Variants in CBLN1 observed in about 807,000 individuals in gnomAD.
CBLN1 encodes the protein cerebellin 1 precursor.
CBLN1 carries 5 observed loss-of-function variants against 15.9 expected under a neutral mutation model. The observed-to-expected ratio is 0.31, with a 90% CI of 0.16 to 0.66. The LOEUF (loss-of-function observed/expected upper bound fraction) is 0.66. Among genes scored for constraint, CBLN1 ranks in the 30% least tolerant of loss-of-function variants. The pLI, the probability that CBLN1 is intolerant of heterozygous loss-of-function variation, is 0.75. For synonymous variants in CBLN1, 90 were observed against 107.6 expected, an observed-to-expected ratio of 0.84 and a Z score of 1.01; for missense variants, 164 against 253.7, an observed-to-expected ratio of 0.65 and a Z score of 2.40.
rs577084877 is a variant in CBLN1, at chr16:49,280,457, T to A, written c.384+466A>T. Among the ~76,000 whole-genome samples the A allele has an allele frequency of 8.0e-3, 1,214 of 151,380 alleles. 5 individuals carry two copies. The highest frequency in any genetic ancestry group is 0.012 in the Non-Finnish European group (785 of 67,824). On this transcript the variant is annotated intron_variant, in intron 2 of 2. Transcript: ENST00000219197. ...TCAAAAACCCACAGTCCGCACGGGG[T>A]GGGGATTGGGGACAAGTGGGAGAAA...
Position 49,281,662 on chromosome 16 carries a change from T to G in CBLN1, c.-197A>C. 1 of 395,986 alleles carries G rather than the reference T, an allele frequency of 2.5e-6. No individual in the cohort carries two copies. 24.5% of individuals were successfully genotyped at this position (395,986 alleles called of 1,614,324 possible). A position where few individuals can be genotyped will look rare whatever the true frequency, so the allele number is the denominator to read the frequency against. On this transcript the variant is annotated 5_prime_UTR_variant, in exon 1 of 3. Transcript: ENST00000219197. Reference sequence around the variant, plus strand: ...GACTAGCGTCCCCTCCGCGCTGTGTTCCCGGAGCCCCTCCCGGGCCTCAGG... The same window carrying G: ...GACTAGCGTCCCCTCCGCGCTGTGTGCCCGGAGCCCCTCCCGGGCCTCAGG...
Position 49,278,907 on chromosome 16 carries a change from A to C in CBLN1, c.*497T>G, listed in dbSNP as rs941389283. 1 of 155,006 alleles carries C rather than the reference A, an allele frequency of 6.5e-6. No homozygotes were observed. The highest frequency in any genetic ancestry group is 1.4e-5 in the Non-Finnish European group (1 of 70,234). The allele number at this position is 155,006 out of a possible 1,614,324, so 9.6% of individuals were successfully genotyped here. On this transcript the variant is annotated 3_prime_UTR_variant, in exon 3 of 3. Coordinates refer to ENST00000219197, the MANE Select transcript of CBLN1 (RefSeq NM_004352.4). ...AGAAGAGCAACACTTGCCAAATTAAAACTACCTTCCCCATCCAAAACAAAA... is the reference window on the plus strand; with the variant it reads ...AGAAGAGCAACACTTGCCAAATTAACACTACCTTCCCCATCCAAAACAAAA...
In CBLN1 at chr16:49,281,048, A is replaced by G; in HGVS notation, c.265-6T>C. 1.9e-6 allele frequency: 3 copies of G among 1,614,204 alleles called. No individual in the cohort carries two copies. Among genetic ancestry groups the G allele is most frequent in the Non-Finnish European group, 2.5e-6 (3 of 1,180,014 alleles). Reference sequence around the variant, plus strand: ...TTCCCAATGTTCACTAGTACCTATAACGAGACGGGAACGAAGGGGAGTGGG... The same window carrying G: ...TTCCCAATGTTCACTAGTACCTATAGCGAGACGGGAACGAAGGGGAGTGGG... On this transcript the variant is annotated splice_region_variant and splice_polypyrimidine_tract_variant and intron_variant, in intron 1 of 2. Coordinates refer to ENST00000219197, the MANE Select transcript of CBLN1 (RefSeq NM_004352.4).
Position 49,281,412 on chromosome 16 carries a change from C to G in CBLN1, c.54G>C (p.Pro18=). The change falls in exon 1 of 3, where the codon CCG becomes CCC. Residue 18 remains proline (P), a synonymous_variant. Coordinates refer to ENST00000219197, the MANE Select transcript of CBLN1 (RefSeq NM_004352.4). ...GCTCCGTCTCATTCTGCCCGCGGGCCGGGCCCGCCAGCCACGCAGCCCCCA... is the reference window on the plus strand; with the variant it reads ...GCTCCGTCTCATTCTGCCCGCGGGCGGGGCCCGCCAGCCACGCAGCCCCCA... The part of the protein sequence containing the change: ...LLLGAAWLAG[P]ARGQNETEPI... 4 of 1,598,660 alleles carry G rather than the reference C, an allele frequency of 2.5e-6. No individual in the cohort carries two copies. Among genetic ancestry groups the G allele is most frequent in the South Asian group, 2.2e-5 (2 of 90,684 alleles).
chr16:49,279,614 A>C lies in CBLN1; in HGVS notation c.385-13T>G. 1 of 1,613,180 alleles carries C rather than the reference A, an allele frequency of 6.2e-7. No homozygotes were observed. Among genetic ancestry groups the C allele is most frequent in the African/African-American group, 1.3e-5 (1 of 74,990 alleles). The stretch of plus-strand genomic sequence containing the variant: ...GCATGAGGCTCACCTGAGAAAGAGA[A>C]AGGCCCGCTTCAGAGGCGCAACCTA... On this transcript the variant is annotated splice_polypyrimidine_tract_variant and intron_variant, in intron 2 of 2. Coordinates refer to ENST00000219197, the MANE Select transcript of CBLN1 (RefSeq NM_004352.4).
chr16:49,281,520 C>G lies in CBLN1; in HGVS notation c.-55G>C. The G allele has an allele frequency of 6.1e-6, 7 of 1,155,930 alleles. No homozygotes were observed. Among genetic ancestry groups the G allele is most frequent in the Non-Finnish European group, 6.6e-6 (6 of 904,186 alleles). The allele number at this position is 1,155,930 out of a possible 1,614,324, so 71.6% of individuals were successfully genotyped here. A position where few individuals can be genotyped will look rare whatever the true frequency, so the allele number is the denominator to read the frequency against. On this transcript the variant is annotated 5_prime_UTR_variant, in exon 1 of 3. Coordinates refer to ENST00000219197, the MANE Select transcript of CBLN1 (RefSeq NM_004352.4). ...CCCCCAGGGCTGCTCGCGCCAGCCG[C>G]CCCCCCCGTCCCAGTCCCGCTCCGA...
At chr16:49,279,622 C>T in intron 2 of CBLN1, 21 bp from the exon 3 acceptor site, 1 of 1,607,274 alleles carries the variant, frequency 6.2e-7, no homozygotes, top group African/African-American at 1.3e-5. Context: ...GAAAGGCCCG[C>T]TTCAGAGGCG....
At chr16:49,279,666 G>A (rs1355677178) in intron 2 of CBLN1, 65 bp from the exon 3 acceptor site, 6 of 1,310,302 alleles carry the variant, frequency 4.6e-6, no homozygotes, top group Non-Finnish European at 5.2e-6. Context: ...GCGGTGGAGC[G>A]AACCTCCTCC....
rs1303943964 is a variant in CBLN1, at chr16:49,278,653, G to C, written c.*751C>G. On this transcript the variant is annotated 3_prime_UTR_variant, in exon 3 of 3. Coordinates refer to ENST00000219197, the MANE Select transcript of CBLN1 (RefSeq NM_004352.4). ...GTTTCGTGGAGTCACAGAGCACGACGGCATTGACAAGCATCAGAACATCAA... is the reference window on the plus strand; with the variant it reads ...GTTTCGTGGAGTCACAGAGCACGACCGCATTGACAAGCATCAGAACATCAA... 3 of 152,344 alleles carry C rather than the reference G, an allele frequency of 2.0e-5. No individual in the cohort carries two copies. Among genetic ancestry groups the C allele is most frequent in the Admixed American group, 6.5e-5 (1 of 15,306 alleles). The allele number at this position is 152,344 out of a possible 1,614,324, so 9.4% of individuals were successfully genotyped here. A position where few individuals can be genotyped will look rare whatever the true frequency, so the allele number is the denominator to read the frequency against.
In CBLN1 at chr16:49,281,427, C is replaced by A. The variant is rs890491768; in HGVS notation, c.39G>T (p.Ala13=). The A allele has an allele frequency of 1.3e-6, 2 of 1,595,588 alleles. No individual in the cohort carries two copies. The highest frequency in any genetic ancestry group is 1.7e-6 in the Non-Finnish European group (2 of 1,177,392). Residue 13 remains alanine, a synonymous_variant, in exon 1 of 3, where the codon GCG becomes GCT. Coordinates refer to ENST00000219197, the MANE Select transcript of CBLN1 (RefSeq NM_004352.4). ...GCCCGCGGGCCGGGCCCGCCAGCCA[C>A]GCAGCCCCCAGCAGCAGCAGCTCCA... The part of the protein sequence containing the change: ...GVLELLLLGA[A]WLAGPARGQN...
At position 49,281,526 on chromosome 16, in the gene CBLN1, C is replaced by A. The variant is rs938626650; in HGVS notation, c.-61G>T. 164 of 1,209,778 alleles carry A rather than the reference C, an allele frequency of 1.4e-4. 1 individual carries two copies. Among genetic ancestry groups the A allele is most frequent in the Non-Finnish European group, 1.7e-4 (159 of 940,778 alleles). The allele number at this position is 1,209,778 out of a possible 1,614,324, so 74.9% of individuals were successfully genotyped here. On this transcript the variant is annotated 5_prime_UTR_variant, in exon 1 of 3. Transcript: ENST00000219197. ...GGGCTGCTCGCGCCAGCCGCCCCCC[C>A]CGTCCCAGTCCCGCTCCGAAGCCCC...
chr16:49,278,318 G>A lies in CBLN1; in HGVS notation c.*1086C>T, dbSNP rs1963220604. The A allele has an allele frequency of 6.6e-6, 1 of 152,240 alleles. No homozygotes were observed. Among genetic ancestry groups the A allele is most frequent in the Non-Finnish European group, 1.5e-5 (1 of 68,048 alleles). 9.4% of individuals were successfully genotyped at this position (152,240 alleles called of 1,614,324 possible). A position where few individuals can be genotyped will look rare whatever the true frequency, so the allele number is the denominator to read the frequency against. On this transcript the variant is annotated 3_prime_UTR_variant, in exon 3 of 3. Coordinates refer to ENST00000219197, the MANE Select transcript of CBLN1 (RefSeq NM_004352.4). The stretch of plus-strand genomic sequence containing the variant: ...TTTCTTACGTTTCCGCCAAAGCTGT[G>A]AACACAGGCGAATGCAGTGCTGGTC...
At chr16:49,280,226 G>A (rs950754803) in intron 2 of CBLN1, among the ~76,000 whole-genome samples, 2 of 152,110 alleles carry the variant, frequency 1.3e-5, no homozygotes, top group Admixed American at 6.5e-5. Context: ...CCCTGTGGTG[G>A]CACCGTCAGC....
Position 49,281,259 on chromosome 16 carries a change from G to C in CBLN1, c.207C>G (p.Ser69Arg). ...TCATCTCGGACGGCTCGTGGTTGGT[G>C]CTCCTGATGGCAGAGAAAGCCACCT... ...SAKVAFSAIR[S>R]TNHEPSEMSN... The change falls in exon 1 of 3, where the codon AGC (serine) becomes AGG (arginine). Residue 69 changes from serine (S) to arginine (R), a missense_variant. Physicochemically the swap from Ser to Arg is moderately radical, Grantham distance 110. Coordinates refer to ENST00000219197, the MANE Select transcript of CBLN1 (RefSeq NM_004352.4). 1.2e-6 allele frequency: 2 copies of C among 1,614,078 alleles called. No individual in the cohort carries two copies. The highest frequency in any genetic ancestry group is 1.7e-6 in the Non-Finnish European group (2 of 1,180,044).
chr16:49,280,205 C>G (rs534381588), intron 2 of CBLN1, among the ~76,000 whole-genome samples: 1 of 152,332 alleles, frequency 6.6e-6, no homozygotes, highest in African/African-American at 2.4e-5. Context: ...CCCGCCACCG[C>G]CTGGTTTTGC....
rs2151233455 is a variant in CBLN1, at chr16:49,280,932, T to C, written c.375A>G (p.Gln125=). The change falls in exon 2 of 3, where the codon CAA becomes CAG. Residue 125 remains glutamine (Q), a synonymous_variant. Transcript: ENST00000219197. ...CGAGGCGTCGGCTGACCTGTATGGTTTGTCTGTTGTAGACTTTTACCACGT... is the reference window on the plus strand; with the variant it reads ...CGAGGCGTCGGCTGACCTGTATGGTCTGTCTGTTGTAGACTTTTACCACGT... The part of the protein sequence containing the change: ...NFHVVKVYNR[Q]TIQVSLMLNG... The C allele has an allele frequency of 1.2e-6, 2 of 1,614,246 alleles. No individual in the cohort carries two copies. Among genetic ancestry groups the C allele is most frequent in the Non-Finnish European group, 1.7e-6 (2 of 1,180,044 alleles).
In CBLN1 at chr16:49,279,126, C is replaced by T; in HGVS notation, c.*278G>A. 4.2e-6 allele frequency: 2 copies of T among 476,594 alleles called. No individual in the cohort carries two copies. Among genetic ancestry groups the T allele is most frequent in the East Asian group, 7.7e-5 (2 of 26,002 alleles). 29.5% of individuals were successfully genotyped at this position (476,594 alleles called of 1,614,324 possible). ...GAAGTTGGGGGATAAGAAACAATGA[C>T]AAGGCAGTCTCTTTCTTGATTACTG... On this transcript the variant is annotated 3_prime_UTR_variant, in exon 3 of 3. Coordinates refer to ENST00000219197, the MANE Select transcript of CBLN1 (RefSeq NM_004352.4).
chr16:49,279,541 T>TC lies in CBLN1; in HGVS notation c.444dup (p.Thr149AspfsTer50). The stretch of plus-strand genomic sequence containing the variant: ...ACTCCGTTGCTGGCGGCCTCCCGGG[T>TC]CACGTCCTGGTCACCAGCGAAGGCT... On this transcript the variant is annotated frameshift_variant, in exon 3 of 3. Coordinates refer to ENST00000219197, the MANE Select transcript of CBLN1 (RefSeq NM_004352.4). LOFTEE classifies it high-confidence loss of function. 6.2e-7 allele frequency: 1 copy of TC among 1,614,128 alleles called. No individual in the cohort carries two copies. The highest frequency in any genetic ancestry group is 8.5e-7 in the Non-Finnish European group (1 of 1,180,020).
Position 49,281,548 on chromosome 16 carries a change from C to T in CBLN1, c.-83G>A, listed in dbSNP as rs1963300680. ...CCCCCGTCCCAGTCCCGCTCCGAAG[C>T]CCCCTCCTCAGCTCCGTGCGCAGCT... On this transcript the variant is annotated 5_prime_UTR_variant, in exon 1 of 3. Transcript: ENST00000219197. The T allele has an allele frequency of 2.0e-6, 2 of 989,142 alleles. No homozygotes were observed. The highest frequency in any genetic ancestry group is 2.7e-5 in the South Asian group (1 of 37,402). 61.3% of individuals were successfully genotyped at this position (989,142 alleles called of 1,614,324 possible).
Sources: allele counts gnomAD v4.1 joint callset (sites outside exome capture counted in the v4.1 genomes callset), GRCh38; gene constraint gnomAD v4.1.1; transcripts MANE v1.5; gene names NCBI Gene and HGNC (gene_info 2026-07-23, HGNC 2026-07-21).